The following IL1RAPL1 variants were observed in gnomAD, a reference collection of about 807,000 sequenced individuals.
IL1RAPL1 encodes the protein interleukin-1 receptor accessory protein-like 1.
In IL1RAPL1, 3 loss-of-function variants were observed where a neutral mutation model predicts 48.4. The observed-to-expected ratio is 0.06, with a 90% CI of 0.03 to 0.16. IL1RAPL1 has a LOEUF of 0.16. Ranked by LOEUF, IL1RAPL1 falls within the 10% of genes least tolerant of loss-of-function variation. The probability of loss-of-function intolerance (pLI) is 1.00; values close to 1 mark genes in which losing one functional copy is unlikely to be tolerated. For synonymous variants in IL1RAPL1, 185 were observed against 187.7 expected (o/e 0.99, Z 0.12); for missense variants, 349 against 530.6 (o/e 0.66, Z 3.36).
chrX:29,264,046 C>T (rs1861424074), intron 2 of IL1RAPL1, among the ~76,000 whole-genome samples: 1 of 110,847 alleles, frequency 9.0e-6, no homozygotes, highest in Non-Finnish European at 1.9e-5. Flanking sequence ...GCTAAGTTCA[C>T]TTTAGATGGA....
intron 2 of IL1RAPL1, among the ~76,000 whole-genome samples, chrX:29,220,052 G>A (rs1045937695): frequency 1.8e-5 from 2 of 111,496 alleles, no homozygotes; most frequent in Admixed American, 9.6e-5. Context: ...ATTCTGGGCC[G>A]TTAATAAATC....
At chrX:29,356,549 C>T (rs187064665) in intron 3 of IL1RAPL1, among the ~76,000 whole-genome samples, 3 of 80,684 alleles carry the variant, frequency 3.7e-5, no homozygotes, top group African/African-American at 8.9e-5. Flanking sequence ...CACACACGTG[C>T]GTATGTATGT....
Position 28,945,523 on chromosome X carries a change from TCTCA to T in IL1RAPL1, c.82+156103_82+156106del, listed in dbSNP as rs765366512. 2.7e-3 allele frequency among the ~76,000 whole-genome samples: 302 copies of T among 110,681 alleles called. 3 individuals carry two copies. The highest frequency in any genetic ancestry group is 9.1e-3 in the African/African-American group (278 of 30,463). On this transcript the variant is annotated intron_variant, in intron 2 of 10. Coordinates refer to ENST00000378993, the MANE Select transcript of IL1RAPL1 (RefSeq NM_014271.4). ...GAACAGAAAGCCAAATAACACATGT[TCTCA>T]CTCATAAATGGGAGTTGAACAATGA...
intron 1 of IL1RAPL1, among the ~76,000 whole-genome samples, chrX:28,656,636 G>T (rs1174534522): frequency 9.0e-6 from 1 of 111,683 alleles, no homozygotes; most frequent in Admixed American, 9.5e-5. Flanking sequence ...CCATCTCAGA[G>T]AGGCCTTCGG....
rs145813820 is a variant in IL1RAPL1, at chrX:29,591,661, G to A, written c.704-76769G>A. Among the ~76,000 whole-genome samples the A allele has an allele frequency of 8.8e-4, 99 of 112,531 alleles. No homozygotes were observed. In the Middle Eastern group the frequency reaches 0.014, roughly 16 times the overall value. On this transcript the variant is annotated intron_variant, in intron 5 of 10. Coordinates refer to ENST00000378993, the MANE Select transcript of IL1RAPL1 (RefSeq NM_014271.4). ...TGCCCAGCAGTCACCGGAGAACCAG[G>A]CCCACTGAACCTTGGGGGAAGCCCT...
intron 6 of IL1RAPL1, among the ~76,000 whole-genome samples, chrX:29,876,016 A>ATG (rs1931894576): frequency 9.0e-6 from 1 of 111,241 alleles, no homozygotes; most frequent in Non-Finnish European, 1.9e-5. Flanking sequence ...GACTGATATA[A>ATG]TGTGTCCACC....
chrX:29,374,874 C>A (rs1322429714), intron 3 of IL1RAPL1, among the ~76,000 whole-genome samples: 1 of 110,992 alleles, frequency 9.0e-6, no homozygotes, highest in African/African-American at 3.3e-5. Context: ...CACTCAAGAT[C>A]AGTTGCAAAT....
intron 5 of IL1RAPL1, among the ~76,000 whole-genome samples, chrX:29,518,124 C>T (rs938111977): frequency 9.0e-6 from 1 of 111,245 alleles, no homozygotes; most frequent in African/African-American, 3.3e-5. Flanking sequence ...TTCTAGGAAT[C>T]GAGGTAAAGC....
chrX:29,522,780 T>C lies in IL1RAPL1; in HGVS notation c.703+123472T>C, dbSNP rs553639747. On this transcript the variant is annotated intron_variant, in intron 5 of 10. Coordinates refer to ENST00000378993, the MANE Select transcript of IL1RAPL1 (RefSeq NM_014271.4). ...CTATTTTCATGAGAGTATGTACTTA[T>C]TATACCAGATTTCTGGCATTTAGTG... 4.5e-5 allele frequency among the ~76,000 whole-genome samples: 5 copies of C among 112,067 alleles called. No homozygotes were observed. In the South Asian group the frequency reaches 1.9e-3, roughly 42 times the overall value.
intron 2 of IL1RAPL1, among the ~76,000 whole-genome samples, chrX:28,868,854 A>T (rs1261797305): frequency 8.9e-6 from 1 of 112,259 alleles, no homozygotes; most frequent in Non-Finnish European, 1.9e-5. Context: ...TGTATAATTT[A>T]TCCTCTTATA....
At chrX:29,674,819 A>G (rs757702491) in intron 6 of IL1RAPL1, among the ~76,000 whole-genome samples, 17 of 111,479 alleles carry the variant, frequency 1.5e-4, no homozygotes, top group African/African-American at 5.5e-4. Context: ...AACATGCAGT[A>G]TTTGGTTTTC....
intron 2 of IL1RAPL1, among the ~76,000 whole-genome samples, chrX:28,804,391 C>T (rs896998783): frequency 1.8e-5 from 2 of 111,599 alleles, no homozygotes; most frequent in Admixed American, 9.6e-5. Context: ...TAACAGATCA[C>T]CACAAATTTA....
At chrX:29,668,359 C>G (rs1926054623) in intron 5 of IL1RAPL1, 71 bp from the exon 6 acceptor site, 1 of 929,453 alleles carries the variant, frequency 1.1e-6, no homozygotes, top group East Asian at 3.1e-5. Flanking sequence ...GGAAAATAGA[C>G]TGTATTCTAT....
intron 2 of IL1RAPL1, among the ~76,000 whole-genome samples, chrX:29,116,762 A>C (rs749768141): frequency 9.0e-5 from 10 of 111,342 alleles, no homozygotes; most frequent in African/African-American, 3.3e-4. Flanking sequence ...TATCGAAGAG[A>C]GTGAATGATG....
rs183855757 is a variant in IL1RAPL1 at position 29,356,003 on chromosome X, C to T, written c.363-40255C>T. On this transcript the variant is annotated intron_variant, in intron 3 of 10. Coordinates refer to ENST00000378993, the MANE Select transcript of IL1RAPL1 (RefSeq NM_014271.4). ...ATTATATTAAAATATATAGTTTGTACCTAACGATTAAAATTTTGTCCTGAG... is the reference window on the plus strand; with the variant it reads ...ATTATATTAAAATATATAGTTTGTATCTAACGATTAAAATTTTGTCCTGAG... Among the ~76,000 whole-genome samples, 266 of 111,382 alleles carry T rather than the reference C, an allele frequency of 2.4e-3. 1 individual carries two copies. The highest frequency in any genetic ancestry group is 8.2e-3 in the African/African-American group (253 of 30,778).
intron 5 of IL1RAPL1, among the ~76,000 whole-genome samples, chrX:29,399,844 T>A (rs1392497405): frequency 9.1e-6 from 1 of 110,353 alleles, no homozygotes; most frequent in Non-Finnish European, 1.9e-5. Context: ...AAAGAAATGT[T>A]AGCTTTTGAA....
At chrX:29,543,183 A>G in intron 5 of IL1RAPL1, among the ~76,000 whole-genome samples, 1 of 107,769 alleles carries the variant, frequency 9.3e-6, no homozygotes, top group Non-Finnish European at 1.9e-5. Context: ...ATCTTTAGGT[A>G]TATTTATCTT....
intron 1 of IL1RAPL1, among the ~76,000 whole-genome samples, chrX:28,603,913 G>A (rs1934055099): frequency 1.8e-5 from 2 of 112,172 alleles, no homozygotes; most frequent in African/African-American, 6.5e-5. Context: ...GCTCTAAATT[G>A]CCAGGTCTGT....
intron 2 of IL1RAPL1, among the ~76,000 whole-genome samples, chrX:29,125,379 G>C (rs1366243506): frequency 4.5e-5 from 5 of 111,842 alleles, no homozygotes; most frequent in African/African-American, 1.6e-4. Context: ...CTTTAAGATT[G>C]ATTTTTGAAG....
Sources: allele counts gnomAD v4.1 joint callset (sites outside exome capture counted in the v4.1 genomes callset), GRCh38; gene constraint gnomAD v4.1.1; transcripts MANE v1.5; gene names NCBI Gene and HGNC (gene_info 2026-07-23, HGNC 2026-07-21).